Variants in SUPT5H observed in about 807,000 individuals in gnomAD.
SUPT5H encodes the protein SPT5 homolog, DSIF elongation factor subunit.
In SUPT5H, 24 loss-of-function variants were observed where a neutral mutation model predicts 142.5. That is an observed-to-expected ratio of 0.17 (90% CI 0.12 to 0.24). The LOEUF is 0.24. Ranked by LOEUF, SUPT5H falls within the 10% of genes least tolerant of loss-of-function variation. SUPT5H has a pLI of 1.00. For synonymous variants in SUPT5H, 546 were observed against 553.0 expected, an observed-to-expected ratio of 0.99 and a Z score of 0.18; for missense variants, 893 against 1,471.8, an observed-to-expected ratio of 0.61 and a Z score of 6.43.
chr19:39,460,251 G>A (rs1407428558), intron 10 of SUPT5H: 5 of 409,328 alleles, frequency 1.2e-5, no homozygotes, highest in African/African-American at 2.0e-5. Context: ...GGGTTTGCCT[G>A]TTCACCAGCC....
rs145730826 is a variant in SUPT5H, at chr19:39,465,690, G to A, written c.876+641G>A. On this transcript the variant is annotated intron_variant, in intron 11 of 29. Coordinates refer to ENST00000432763, the MANE Select transcript of SUPT5H (RefSeq NM_001111020.3). ...GCTGCCCACAACAAAAAATTACCTGGCCCAAAAAGTCAATAGTGCCAAGGC... is the reference window on the plus strand; with the variant it reads ...GCTGCCCACAACAAAAAATTACCTGACCCAAAAAGTCAATAGTGCCAAGGC... Among the ~76,000 whole-genome samples the A allele has an allele frequency of 2.6e-3, 394 of 152,258 alleles. 1 individual carries two copies. Among genetic ancestry groups the A allele is most frequent in the African/African-American group, 8.7e-3 (362 of 41,546 alleles).
In SUPT5H at chr19:39,474,650, G is replaced by T; in HGVS notation, c.2956G>T (p.Val986Leu). Reference protein sequence around the residue: ...SSDWVTTDIQVKVRDTYLDTQ... With the variant: ...SSDWVTTDIQLKVRDTYLDTQ... ...CGACTGGGTAACCACTGACATTCAG[G>T]TGAAGGTGCGGGACACCTACCTGGA... Residue 986 changes from valine (V) to leucine (L), a missense_variant, in exon 28 of 30, where the codon GTG becomes TTG. Physicochemically the swap from Val to Leu is conservative, Grantham distance 32. This residue lies in a region of SUPT5H where 336 missense variants were observed against 546.5 expected (regional missense o/e 0.61). Transcript: ENST00000432763. This position sits in a 1 kb window ranked among gnomAD's most constrained non-coding sequence, Gnocchi z 6.5. 1 of 1,614,166 alleles carries T rather than the reference G, an allele frequency of 6.2e-7. No individual in the cohort carries two copies.
Position 39,476,161 on chromosome 19 carries a change from C to A in SUPT5H, c.3105C>A (p.Pro1035=), listed in dbSNP as rs574066305. The A allele has an allele frequency of 6.2e-7, 1 of 1,614,148 alleles. No individual in the cohort carries two copies. The change falls in exon 29 of 30, where the codon CCC becomes CCA. Residue 1035 remains proline (P), a synonymous_variant. Transcript: ENST00000432763. The part of the protein sequence containing the change: ...ISSEHLEPIT[P]TKNNKVKVIL... ...GTGAGCACCTGGAGCCTATCACCCC[C>A]ACCAAGAACAACAAGGTAAGGGCAG...
rs370828040 is a variant in SUPT5H at position 39,459,205 on chromosome 19, G to C, written c.480G>C (p.Glu160Asp). The C allele has an allele frequency of 1.1e-5, 17 of 1,579,822 alleles. No homozygotes were observed. The East Asian group carries it at 4.0e-4, about 37-fold the overall frequency. Reference protein sequence around the residue: ...VGETVYGGSDELSDDITQQQL... With the variant: ...VGETVYGGSDDLSDDITQQQL... ...TCAGGGTGTATGGAGGATCTGATGA[G>C]CTCTCAGACGACATCACCCAGCAGC... The change falls in exon 8 of 30, where the codon GAG (glutamate) becomes GAC (aspartate). Residue 160 changes from glutamate to aspartate, a missense_variant. Around this residue, in one of 6 missense-constraint regions of SUPT5H, gnomAD observed 428 missense variants for 763.5 expected, o/e 0.56. Coordinates refer to ENST00000432763, the MANE Select transcript of SUPT5H (RefSeq NM_001111020.3).
At position 39,445,927 on chromosome 19, in the gene SUPT5H, G is replaced by C; in HGVS notation, c.37G>C (p.Glu13Gln). Residue 13 changes from glutamate to glutamine, a missense_variant, in exon 2 of 30, where the codon GAG becomes CAG. Around this residue, in one of 6 missense-constraint regions of SUPT5H, gnomAD observed 70 missense variants for 70.5 expected, o/e 0.99. Coordinates refer to ENST00000432763, the MANE Select transcript of SUPT5H (RefSeq NM_001111020.3). ...CGAGGACAGCAACTTTTCCGAGGAG[G>C]AGGACAGCGAGCGCAGCAGTGACGG... ...DSEDSNFSEE[E>Q]DSERSSDGEE... 1 of 1,613,676 alleles carries C rather than the reference G, an allele frequency of 6.2e-7. No individual in the cohort carries two copies. The highest frequency in any genetic ancestry group is 8.5e-7 in the Non-Finnish European group (1 of 1,180,018).
rs1443578471 is a variant in SUPT5H, at chr19:39,469,243, C to T, written c.1238-19C>T. ...CCATGGTGGCAACCCCCGAGTCAGCCCTACGACTGCCCCTGCAGGGAAGGA... is the reference window on the plus strand; with the variant it reads ...CCATGGTGGCAACCCCCGAGTCAGCTCTACGACTGCCCCTGCAGGGAAGGA... On this transcript the variant is annotated intron_variant, in intron 15 of 29. Transcript: ENST00000432763. This position sits in a 1 kb window ranked among gnomAD's most constrained non-coding sequence, Gnocchi z 5.1. 4 of 1,614,100 alleles carry T rather than the reference C, an allele frequency of 2.5e-6. No homozygotes were observed. Among genetic ancestry groups the T allele is most frequent in the Non-Finnish European group, 3.4e-6 (4 of 1,180,034 alleles).
chr19:39,461,355 G>A (rs2079158793), intron 10 of SUPT5H, among the ~76,000 whole-genome samples: 1 of 152,018 alleles, frequency 6.6e-6, no homozygotes, highest in African/African-American at 2.4e-5. Context: ...CCTGTCATGG[G>A]TGAGATTGGG....
chr19:39,476,036 A>G (rs2079400413), intron 28 of SUPT5H, 45 bp from the exon 29 acceptor site: 5 of 1,569,980 alleles, frequency 3.2e-6, no homozygotes, highest in Non-Finnish European at 3.5e-6. Context: ...CCTCAGTCCC[A>G]TGTTGGGAGC....
rs761132980 is a variant in SUPT5H, at chr19:39,472,994, C to T, written c.2156-18C>T. On this transcript the variant is annotated intron_variant, in intron 22 of 29. Transcript: ENST00000432763. This position sits in a 1 kb window ranked among gnomAD's most constrained non-coding sequence, Gnocchi z 4.2. The stretch of plus-strand genomic sequence containing the variant: ...GTGAAGGAGAGCCTGCCCAGCCTGA[C>T]CTCCTGTCCCCCTGCAGGCTACATC... The T allele has an allele frequency of 3.1e-6, 5 of 1,612,824 alleles. No individual in the cohort carries two copies. The highest frequency in any genetic ancestry group is 4.5e-5 in the East Asian group (2 of 44,834).
intron 3 of SUPT5H, among the ~76,000 whole-genome samples, chr19:39,455,455 G>A (rs1027038952): frequency 3.3e-5 from 5 of 151,540 alleles, no homozygotes; most frequent in Non-Finnish European, 5.9e-5. Flanking sequence ...CCAGCTACTT[G>A]GGAGGCTGAG....
chr19:39,463,591 GT>G (rs2079194474), intron 10 of SUPT5H, among the ~76,000 whole-genome samples: 1 of 152,172 alleles, frequency 6.6e-6, no homozygotes, highest in Admixed American at 6.6e-5. Context: ...GTTAGATGGA[GT>G]GTTCTTTTTT....
Position 39,470,596 on chromosome 19 carries a change from A to G in SUPT5H, c.1677+73A>G. ...CTGTCCCTCAACCCCTCATCCTGGGAGGTGGCAGAGCCCCCAGACTGCTCT... is the reference window on the plus strand; with the variant it reads ...CTGTCCCTCAACCCCTCATCCTGGGGGGTGGCAGAGCCCCCAGACTGCTCT... On this transcript the variant is annotated intron_variant, in intron 18 of 29. Coordinates refer to ENST00000432763, the MANE Select transcript of SUPT5H (RefSeq NM_001111020.3). The surrounding 1 kb of genome is among the most constrained non-coding windows in gnomAD (Gnocchi z 5.8). 6.9e-7 allele frequency: 1 copy of G among 1,444,486 alleles called. No individual in the cohort carries two copies. The highest frequency in any genetic ancestry group is 1.5e-5 in the South Asian group (1 of 64,554). The allele number at this position is 1,444,486 out of a possible 1,614,324, so 89.5% of individuals were successfully genotyped here. A position where few individuals can be genotyped will look rare whatever the true frequency, so the allele number is the denominator to read the frequency against.
rs1374827699 is a variant in SUPT5H at position 39,474,537 on chromosome 19, T to C, written c.2843T>C (p.Val948Ala). ...AYQASPSPSP[V>A]GYSPMTPGAP... Reference sequence around the variant, plus strand: ...CAGGCTAGCCCCAGCCCGAGCCCCGTTGGCTACAGTCCTATGACACCTGGA... The same window carrying C: ...CAGGCTAGCCCCAGCCCGAGCCCCGCTGGCTACAGTCCTATGACACCTGGA... Residue 948 changes from valine (V) to alanine (A), a missense_variant, in exon 28 of 30, where the codon GTT (valine) becomes GCT (alanine). By Grantham distance (64) the Val-to-Ala change is moderately conservative. Around this residue, in one of 6 missense-constraint regions of SUPT5H, gnomAD observed 336 missense variants for 546.5 expected, o/e 0.61. Transcript: ENST00000432763. This position sits in a 1 kb window ranked among gnomAD's most constrained non-coding sequence, Gnocchi z 6.5. 1.2e-6 allele frequency: 2 copies of C among 1,614,184 alleles called. No homozygotes were observed. Among genetic ancestry groups the C allele is most frequent in the Admixed American group, 1.7e-5 (1 of 60,028 alleles).
rs2079236765 is a variant in SUPT5H, at chr19:39,466,417, T to G, written c.877-63T>G. 5 of 1,469,246 alleles carry G rather than the reference T, an allele frequency of 3.4e-6. No individual in the cohort carries two copies. Among genetic ancestry groups the G allele is most frequent in the East Asian group, 4.5e-5 (2 of 44,168 alleles). 91.0% of individuals were successfully genotyped at this position (1,469,246 alleles called of 1,614,324 possible). ...TCTCCTTCCTAGCATCTCCTGACCC[T>G]TCTTGTGTCTGGGGTCAGGGAGGAG... On this transcript the variant is annotated intron_variant, in intron 11 of 29. Transcript: ENST00000432763. This position sits in a 1 kb window ranked among gnomAD's most constrained non-coding sequence, Gnocchi z 4.3.
chr19:39,447,956 G>A (rs2078974018), intron 2 of SUPT5H, among the ~76,000 whole-genome samples: 1 of 152,192 alleles, frequency 6.6e-6, no homozygotes, highest in Non-Finnish European at 1.5e-5. Context: ...GCCAATGCTT[G>A]TGAGGGAGAT....
intron 3 of SUPT5H, among the ~76,000 whole-genome samples, chr19:39,454,439 G>A (rs1461122978): frequency 6.7e-6 from 1 of 149,884 alleles, no homozygotes; most frequent in African/African-American, 2.5e-5. Flanking sequence ...CTCCCTCCTG[G>A]GTTCAACTGT....
Position 39,474,746 on chromosome 19 carries a change from G to A in SUPT5H, c.3024+28G>A, listed in dbSNP as rs1361919405. 1.3e-6 allele frequency: 2 copies of A among 1,585,962 alleles called. No individual in the cohort carries two copies. The highest frequency in any genetic ancestry group is 1.8e-5 in the Admixed American group (1 of 55,242). On this transcript the variant is annotated intron_variant, in intron 28 of 29. Coordinates refer to ENST00000432763, the MANE Select transcript of SUPT5H (RefSeq NM_001111020.3). This position sits in a 1 kb window ranked among gnomAD's most constrained non-coding sequence, Gnocchi z 6.5. ...ACGTGGGGCCCAGGGTGGTGGGTGA[G>A]CAGGCATCCTCTCCTTGGTACCCCC...
At chr19:39,465,638 C>A (rs2079225473) in intron 11 of SUPT5H, among the ~76,000 whole-genome samples, 1 of 152,200 alleles carries the variant, frequency 6.6e-6, no homozygotes, top group Non-Finnish European at 1.5e-5. Context: ...AAATGCTAGA[C>A]ACACACATCC....
Position 39,473,056 on chromosome 19 carries a change from G to C in SUPT5H, c.2200G>C (p.Val734Leu). 1 of 1,613,854 alleles carries C rather than the reference G, an allele frequency of 6.2e-7. No individual in the cohort carries two copies. Among genetic ancestry groups the C allele is most frequent in the Non-Finnish European group, 8.5e-7 (1 of 1,179,926 alleles). Reference protein sequence around the residue: ...VKDATESTARVELHSTCQTIS... With the variant: ...VKDATESTARLELHSTCQTIS... ...AGATGCCACAGAGTCCACGGCCCGT[G>C]TGGAGCTGCACTCCACCTGCCAGAC... The change falls in exon 23 of 30, where the codon GTG (valine) becomes CTG (leucine). Residue 734 changes from valine to leucine, a missense_variant. Physicochemically the swap from Val to Leu is conservative, Grantham distance 32 (BLOSUM62 1). Coordinates refer to ENST00000432763, the MANE Select transcript of SUPT5H (RefSeq NM_001111020.3). The surrounding 1 kb of genome is among the most constrained non-coding windows in gnomAD (Gnocchi z 5.8).
Sources: gnomAD v4.1 joint callset for allele counts (sites outside exome capture counted in the v4.1 genomes callset) on GRCh38, gnomAD v4.1.1 for gene constraint, gnomAD v4.1.1 regional missense constraint, Gnocchi (gnomAD v3.1) non-coding constraint, MANE v1.5 for transcripts, NCBI Gene and HGNC (gene_info 2026-07-23, HGNC 2026-07-21) for gene names.